IFNA17: variants seen among roughly 807,000 people sequenced by gnomAD.
IFNA17 encodes interferon alpha 17.
For missense variants in IFNA17, 285 were observed against 212.7 expected (o/e 1.34, Z -2.11); for synonymous variants, 107 against 80.5 (o/e 1.33, Z -1.76).
rs773281670 is a variant in IFNA17, at chr9:21,227,895, T to G, written c.279A>C (p.Thr93=). ...MIQQTFNLFS[T]EDSSAAWEQS... ...GTTCCCAAGCAGCAGATGAGTCCTC[T>G]GTGCTGAAGAGATTGAAGGTCTGCT... Residue 93 remains threonine (T), a synonymous_variant, in exon 1 of 1, where the codon ACA becomes ACC. Transcript: ENST00000413767. 2 of 1,613,884 alleles carry G rather than the reference T, an allele frequency of 1.2e-6. No homozygotes were observed. Among genetic ancestry groups the G allele is most frequent in the Non-Finnish European group, 1.7e-6 (2 of 1,179,890 alleles).
Position 21,227,813 on chromosome 9 carries a change from C to T in IFNA17, c.361G>A (p.Ala121Thr). ...ELYQQLNNLEACVIQEVGMEE... is the reference protein window; with the variant it reads ...ELYQQLNNLETCVIQEVGMEE... ...ATCCCAACCTCCTGTATCACACATG[C>T]TTCCAGGTTATTCAGTTGCTGGTAA... is the stretch of plus-strand genomic sequence containing the variant. Residue 121 changes from alanine (A) to threonine (T), a missense_variant, in exon 1 of 1, where the codon GCA becomes ACA. Transcript: ENST00000413767. The T allele has an allele frequency of 3.1e-6, 5 of 1,613,914 alleles. No homozygotes were observed. The highest frequency in any genetic ancestry group is 4.2e-6 in the Non-Finnish European group (5 of 1,179,946).
Position 21,227,703 on chromosome 9 carries a change from C to A in IFNA17, c.471G>T (p.Lys157Asn). The change falls in exon 1 of 1, where the codon AAG becomes AAT. Residue 157 changes from lysine to asparagine, a missense_variant. Physicochemically the swap from Lys to Asn is moderately conservative, Grantham distance 94. Coordinates refer to ENST00000413767, the MANE Select transcript of IFNA17 (RefSeq NM_021268.2). ...CCTCCCAGGCACAAGGGCTGTATTT[C>A]TTCTCTGTTAGATAAAGAGTGATTC... The part of the protein sequence containing the change: ...FQRITLYLTE[K>N]KYSPCAWEVV... 6.2e-7 allele frequency: 1 copy of A among 1,614,046 alleles called. No individual in the cohort carries two copies. Among genetic ancestry groups the A allele is most frequent in the Non-Finnish European group, 8.5e-7 (1 of 1,179,964 alleles).
In IFNA17 at chr9:21,228,094, G is replaced by C; in HGVS notation, c.80C>G (p.Pro27Arg). ...KSICSLGCDL[P>R]QTHSLGNRRA... is the part of the protein sequence containing the mutation. ...CCTATTACCCAGGCTGTGGGTCTGA[G>C]GCAGATCACAGCCTAGAGAACAGAT... Residue 27 changes from proline (P) to arginine (R), a missense_variant, in exon 1 of 1, where the codon CCT becomes CGT. Pro to Arg is a moderately radical substitution (Grantham distance 103). Coordinates refer to ENST00000413767, the MANE Select transcript of IFNA17 (RefSeq NM_021268.2). 6.2e-7 allele frequency: 1 copy of C among 1,614,068 alleles called. No homozygotes were observed. The highest frequency in any genetic ancestry group is 8.5e-7 in the Non-Finnish European group (1 of 1,179,994).
At position 21,227,986 on chromosome 9, in the gene IFNA17, T is replaced by A. The variant is rs1343580645; in HGVS notation, c.188A>T (p.Gln63Leu). 6.2e-7 allele frequency: 1 copy of A among 1,613,768 alleles called. No homozygotes were observed. Among genetic ancestry groups the A allele is most frequent in the Non-Finnish European group, 8.5e-7 (1 of 1,179,932 alleles). The change falls in exon 1 of 1, where the codon CAG becomes CTG. Residue 63 changes from glutamine (Q) to leucine (L), a missense_variant. Physicochemically the swap from Gln to Leu is moderately radical, Grantham distance 113. Transcript: ENST00000413767. Reference sequence around the variant, plus strand: ...GAACTGGTTGCCATCAAACTCCTCCTGGGGAAGTCCAAAGTCATGTCTGTC... The same window carrying A: ...GAACTGGTTGCCATCAAACTCCTCCAGGGGAAGTCCAAAGTCATGTCTGTC... ...LKDRHDFGLP[Q>L]EEFDGNQFQK... is the part of the protein sequence containing the mutation.
rs1227030150 is a variant in IFNA17, at chr9:21,228,053, G to A, written c.121C>T (p.Leu41=). The A allele has an allele frequency of 6.2e-7, 1 of 1,613,996 alleles. No individual in the cohort carries two copies. Among genetic ancestry groups the A allele is most frequent in the African/African-American group, 1.3e-5 (1 of 74,898 alleles). ...GGAGAGATTCTTCCCATTTGTGCCA[G>A]GAGTATCAAGGCCCTCCTATTACCC... ...SLGNRRALIL[L]AQMGRISPFS... is the part of the protein sequence containing the mutation. Residue 41 remains leucine (L), a synonymous_variant, in exon 1 of 1, where the codon CTG becomes TTG. Coordinates refer to ENST00000413767, the MANE Select transcript of IFNA17 (RefSeq NM_021268.2).
rs1062585 is a variant in IFNA17, at chr9:21,227,504, T to A, written c.*100A>T. On this transcript the variant is annotated 3_prime_UTR_variant, in exon 1 of 1. Transcript: ENST00000413767. ...AAACATTTGAAAATTTTGATTCAAC[T>A]CGTGGTGGTTATAGAAGTGAGTCTT... The A allele has an allele frequency of 6.5e-7, 1 of 1,544,926 alleles. No individual in the cohort carries two copies. Among genetic ancestry groups the A allele is most frequent in the East Asian group, 2.2e-5 (1 of 44,588 alleles).
chr9:21,227,775 G>A lies in IFNA17; in HGVS notation c.399C>T (p.Pro133=), dbSNP rs762713644. Residue 133 remains proline, a synonymous_variant, in exon 1 of 1, where the codon CCC becomes CCT. Transcript: ENST00000413767. ...VIQEVGMEET[P]LMNEDSILAV... ...CCAGGATGGAGTCCTCATTCATCAGGGGAGTCTCTTCCATCCCAACCTCCT... is the reference window on the plus strand; with the variant it reads ...CCAGGATGGAGTCCTCATTCATCAGAGGAGTCTCTTCCATCCCAACCTCCT... 23 of 1,613,852 alleles carry A rather than the reference G, an allele frequency of 1.4e-5. No homozygotes were observed. In the South Asian group the frequency reaches 2.3e-4, roughly 16 times the overall value.
Position 21,227,920 on chromosome 9 carries a change from T to C in IFNA17, c.254A>G (p.Gln85Arg). The C allele has an allele frequency of 1.9e-6, 3 of 1,613,920 alleles. No homozygotes were observed. The highest frequency in any genetic ancestry group is 2.5e-6 in the Non-Finnish European group (3 of 1,179,882). The stretch of plus-strand genomic sequence containing the variant: ...TGTGCTGAAGAGATTGAAGGTCTGC[T>C]GGATCATCTCATGGAGGACAGAGAT... ...QAISVLHEMI[Q>R]QTFNLFSTED... Residue 85 changes from glutamine to arginine, a missense_variant, in exon 1 of 1, where the codon CAG becomes CGG. Physicochemically the swap from Gln to Arg is conservative, Grantham distance 43. Coordinates refer to ENST00000413767, the MANE Select transcript of IFNA17 (RefSeq NM_021268.2).
At position 21,227,814 on chromosome 9, in the gene IFNA17, T is replaced by C; in HGVS notation, c.360A>G (p.Glu120=). ...TELYQQLNNL[E]ACVIQEVGME... ...TCCCAACCTCCTGTATCACACATGC[T>C]TCCAGGTTATTCAGTTGCTGGTAAA... The change falls in exon 1 of 1, where the codon GAA becomes GAG. Residue 120 remains glutamate, a synonymous_variant. Transcript: ENST00000413767. The C allele has an allele frequency of 6.2e-7, 1 of 1,613,986 alleles. No homozygotes were observed. The highest frequency in any genetic ancestry group is 8.5e-7 in the Non-Finnish European group (1 of 1,179,946).
rs769593404 is a variant in IFNA17 at position 21,227,704 on chromosome 9, T to C, written c.470A>G (p.Lys157Arg). The change falls in exon 1 of 1, where the codon AAG (lysine) becomes AGG (arginine). Residue 157 changes from lysine (K) to arginine (R), a missense_variant. By Grantham distance (26) the Lys-to-Arg change is conservative. Transcript: ENST00000413767. ...FQRITLYLTE[K>R]KYSPCAWEVV... ...CTCCCAGGCACAAGGGCTGTATTTC[T>C]TCTCTGTTAGATAAAGAGTGATTCT... 1.4e-5 allele frequency: 22 copies of C among 1,614,020 alleles called. No individual in the cohort carries two copies. The highest frequency in any genetic ancestry group is 1.0e-4 in the Admixed American group (6 of 60,006).
chr9:21,228,166 A>C lies in IFNA17; in HGVS notation c.8T>G (p.Leu3Arg). Residue 3 changes from leucine (L) to arginine (R), a missense_variant, in exon 1 of 1, where the codon CTG becomes CGG. Leu to Arg is a moderately radical substitution (Grantham distance 102). Transcript: ENST00000413767. MA[L>R]SFSLLMAVLV... ...CACGGCCATCAGTAAAGAAAAGGAC[A>C]GGGCCATTGGGATGTTGCAAATGTT... 6.2e-7 allele frequency: 1 copy of C among 1,610,914 alleles called. No homozygotes were observed. The highest frequency in any genetic ancestry group is 1.7e-5 in the Admixed American group (1 of 59,518).
chr9:21,227,963 A>G lies in IFNA17; in HGVS notation c.211T>C (p.Phe71Leu). ...ACAGAGATGGCTTGAGTCTTCTGGAACTGGTTGCCATCAAACTCCTCCTGG... is the reference window on the plus strand; with the variant it reads ...ACAGAGATGGCTTGAGTCTTCTGGAGCTGGTTGCCATCAAACTCCTCCTGG... ...LPQEEFDGNQ[F>L]QKTQAISVLH... The change falls in exon 1 of 1, where the codon TTC becomes CTC. Residue 71 changes from phenylalanine to leucine, a missense_variant. Coordinates refer to ENST00000413767, the MANE Select transcript of IFNA17 (RefSeq NM_021268.2). 6.2e-7 allele frequency: 1 copy of G among 1,614,038 alleles called. No homozygotes were observed. Among genetic ancestry groups the G allele is most frequent in the Non-Finnish European group, 8.5e-7 (1 of 1,179,996 alleles).
chr9:21,227,778 A>T lies in IFNA17; in HGVS notation c.396T>A (p.Thr132=). 1 of 1,613,950 alleles carries T rather than the reference A, an allele frequency of 6.2e-7. No homozygotes were observed. The highest frequency in any genetic ancestry group is 8.5e-7 in the Non-Finnish European group (1 of 1,179,960). Residue 132 remains threonine (T), a synonymous_variant, in exon 1 of 1, where the codon ACT becomes ACA. Coordinates refer to ENST00000413767, the MANE Select transcript of IFNA17 (RefSeq NM_021268.2). ...CVIQEVGMEE[T]PLMNEDSILA... ...GGATGGAGTCCTCATTCATCAGGGG[A>T]GTCTCTTCCATCCCAACCTCCTGTA...
rs148562481 is a variant in IFNA17 at position 21,227,926 on chromosome 9, A to G, written c.248T>C (p.Met83Thr). The G allele has an allele frequency of 6.2e-6, 10 of 1,613,772 alleles. No individual in the cohort carries two copies. Among genetic ancestry groups the G allele is most frequent in the Non-Finnish European group, 8.5e-7 (1 of 1,179,886 alleles). ...GAAGAGATTGAAGGTCTGCTGGATC[A>G]TCTCATGGAGGACAGAGATGGCTTG... ...KTQAISVLHE[M>T]IQQTFNLFST... Residue 83 changes from methionine (M) to threonine (T), a missense_variant, in exon 1 of 1, where the codon ATG becomes ACG. By Grantham distance (81) the Met-to-Thr change is moderately conservative (BLOSUM62 -1). Transcript: ENST00000413767.
At position 21,227,441 on chromosome 9, in the gene IFNA17, C is replaced by G; in HGVS notation, c.*163G>C. ...CATGGTCATCTGTAAAGTACTAGTG[C>G]CTGCACAGGTATACACGACGCTTCT... On this transcript the variant is annotated 3_prime_UTR_variant, in exon 1 of 1. Coordinates refer to ENST00000413767, the MANE Select transcript of IFNA17 (RefSeq NM_021268.2). The G allele has an allele frequency of 1.0e-6, 1 of 959,628 alleles. No individual in the cohort carries two copies. The allele number at this position is 959,628 out of a possible 1,614,324, so 59.4% of individuals were successfully genotyped here.
At position 21,227,859 on chromosome 9, in the gene IFNA17, T is replaced by C; in HGVS notation, c.315A>G (p.Leu105=). The C allele has an allele frequency of 6.2e-7, 1 of 1,613,784 alleles. No individual in the cohort carries two copies. Among genetic ancestry groups the C allele is most frequent in the Non-Finnish European group, 8.5e-7 (1 of 1,179,858 alleles). ...DSSAAWEQSL[L]EKFSTELYQQ... ...GGTAAAGTTCAGTGGAAAATTTTTC[T>C]AGGAGGCTCTGTTCCCAAGCAGCAG... The change falls in exon 1 of 1, where the codon CTA becomes CTG. Residue 105 remains leucine, a synonymous_variant. Transcript: ENST00000413767.
At chr9:21,227,887 G>T in the IFNA17 span, 1 of 1,613,830 alleles carries the variant, frequency 6.2e-7, no homozygotes, top group Non-Finnish European at 8.5e-7. Flanking sequence ...AGCAGCAGAT[G>T]AGTCCTCTGT....
Position 21,227,557 on chromosome 9 carries a change from A to C in IFNA17, c.*47T>G. ...AAATGGAGGAACTCATGAAAGTGTG[A>C]GATAATGTATTAGTCAATCAGGATC... On this transcript the variant is annotated 3_prime_UTR_variant, in exon 1 of 1. Coordinates refer to ENST00000413767, the MANE Select transcript of IFNA17 (RefSeq NM_021268.2). The C allele has an allele frequency of 1.3e-6, 2 of 1,598,820 alleles. No individual in the cohort carries two copies. Among genetic ancestry groups the C allele is most frequent in the Non-Finnish European group, 1.7e-6 (2 of 1,175,166 alleles).
chr9:21,227,503 C>A lies in IFNA17; in HGVS notation c.*101G>T. 2 of 1,543,544 alleles carry A rather than the reference C, an allele frequency of 1.3e-6. No individual in the cohort carries two copies. Among genetic ancestry groups the A allele is most frequent in the Admixed American group, 4.1e-5 (2 of 48,620 alleles). ...AAAACATTTGAAAATTTTGATTCAACTCGTGGTGGTTATAGAAGTGAGTCT... is the reference window on the plus strand; with the variant it reads ...AAAACATTTGAAAATTTTGATTCAAATCGTGGTGGTTATAGAAGTGAGTCT... On this transcript the variant is annotated 3_prime_UTR_variant, in exon 1 of 1. Transcript: ENST00000413767.
Sources: gnomAD v4.1 joint callset for allele counts on GRCh38, gnomAD v4.1.1 for gene constraint, MANE v1.5 for transcripts, NCBI Gene and HGNC (gene_info 2026-07-23, HGNC 2026-07-21) for gene names.